The following DAB2IP variants were observed in gnomAD, a reference collection of about 807,000 sequenced individuals.
DAB2IP encodes DAB2 interacting protein, also known as disabled homolog 2-interacting protein.
In DAB2IP, 28 loss-of-function variants were observed where a neutral mutation model predicts 107.2. That is an observed-to-expected ratio of 0.26 (90% CI 0.19 to 0.36). The LOEUF (loss-of-function observed/expected upper bound fraction) is 0.36. Among genes scored for constraint, DAB2IP ranks in the 10% least tolerant of loss-of-function variants. The pLI, the probability that DAB2IP is intolerant of heterozygous loss-of-function variation, is 1.00. For synonymous variants in DAB2IP, 755 were observed against 706.4 expected (o/e 1.07, Z -1.09); for missense variants, 1,400 against 1,644.7 (o/e 0.85, Z 2.57).
chr9:121,693,654 C>T (rs947079165), intron 2 of DAB2IP, among the ~76,000 whole-genome samples: 1 of 152,190 alleles, frequency 6.6e-6, no homozygotes, highest in Non-Finnish European at 1.5e-5. Flanking sequence ...TGGGGTTCCC[C>T]AGTGGGCAGC....
chr9:121,711,888 T>C (rs1307293972), intron 3 of DAB2IP, among the ~76,000 whole-genome samples: 1 of 152,150 alleles, frequency 6.6e-6, no homozygotes, highest in African/African-American at 2.4e-5. Context: ...GTGGCGTCCA[T>C]GTACCTGGCA....
At chr9:121,783,417 ACCTGGTGCTCAC>A in exon 16 of DAB2IP, 1 of 1,600,752 alleles carries the variant, frequency 6.2e-7, no homozygotes. Context: ...AGGGAGTGCC[ACCTGGTGCTCAC>A]CCTGAAAGAA....
intron 3 of DAB2IP, among the ~76,000 whole-genome samples, chr9:121,713,900 CACA>C (rs1830461405): frequency 6.6e-6 from 1 of 152,222 alleles, no homozygotes; most frequent in African/African-American, 2.4e-5. Context: ...GCTCTGCTGA[CACA>C]TGGACCCAGA....
intron 1 of DAB2IP, among the ~76,000 whole-genome samples, chr9:121,611,548 A>C (rs1831098120): frequency 6.6e-6 from 1 of 152,162 alleles, no homozygotes; most frequent in Non-Finnish European, 1.5e-5. Flanking sequence ...AATTGCGGAT[A>C]ATAATACCTA....
rs539006436 is a variant in DAB2IP at position 121,616,653 on chromosome 9, G to A, written c.40+49425G>A. On this transcript the variant is annotated intron_variant, in intron 1 of 16. Coordinates refer to the DAB2IP transcript ENST00000259371. ...ACTGTGGAACTGGGGCGGGTTTGCT[G>A]AAGGGAAGTAAGGAGTTGAAAGGCA... Among the ~76,000 whole-genome samples the A allele has an allele frequency of 2.0e-5, 3 of 152,334 alleles. No individual in the cohort carries two copies. The East Asian group carries it at 5.8e-4, about 29-fold the overall frequency.
upstream of DAB2IP, among the ~76,000 whole-genome samples, chr9:121,648,901 C>T (rs1326363360): frequency 6.6e-6 from 1 of 152,096 alleles, no homozygotes; most frequent in Non-Finnish European, 1.5e-5. Context: ...GGAAGCAGGG[C>T]TTCTCCTGTT....
chr9:121,603,493 A>G (rs983877654), intron 1 of DAB2IP, among the ~76,000 whole-genome samples: 5 of 152,146 alleles, frequency 3.3e-5, no homozygotes, highest in Non-Finnish European at 7.4e-5. Flanking sequence ...CCAAAGCCCT[A>G]ATGTGTGTAT....
At chr9:121,639,802 C>G (rs971560098) in intron 1 of DAB2IP, among the ~76,000 whole-genome samples, 10 of 152,182 alleles carry the variant, frequency 6.6e-5, no homozygotes, top group African/African-American at 1.9e-4. Flanking sequence ...TGAGAGAGAG[C>G]AACAGGTGGG....
At chr9:121,683,494 A>T (rs1194004435) in intron 2 of DAB2IP, among the ~76,000 whole-genome samples, 1 of 152,156 alleles carries the variant, frequency 6.6e-6, no homozygotes, top group Non-Finnish European at 1.5e-5. Context: ...CCTCCTCGGG[A>T]AGTTGAAAGT....
intron 1 of DAB2IP, among the ~76,000 whole-genome samples, chr9:121,641,948 TC>T (rs1189667216): frequency 0.13 from 14,954 of 118,096 alleles, 2,343 homozygotes; most frequent in African/African-American, 0.35. Flanking sequence ...TCTCTTTCTT[TC>T]CTTTCTTTCT....
chr9:121,571,951 G>A (rs1345328297), intron 1 of DAB2IP, among the ~76,000 whole-genome samples: 1 of 150,960 alleles, frequency 6.6e-6, no homozygotes, highest in African/African-American at 2.5e-5. Flanking sequence ...CTTGTGATTG[G>A]CCTTAGTTTC....
intron 2 of DAB2IP, 116 bp downstream of exon 2, chr9:121,678,897 A>AAGGGAGGCCGGATGCTC: frequency 3.0e-6 from 3 of 987,198 alleles, no homozygotes; most frequent in Non-Finnish European, 4.2e-6. Flanking sequence ...CCCGGAGAGC[A>AAGGGAGGCCGGATGCTC]TCCGGCCTCC....
chr9:121,767,758 G>A (rs558443674), intron 9 of DAB2IP, among the ~76,000 whole-genome samples: 4 of 152,370 alleles, frequency 2.6e-5, no homozygotes, highest in African/African-American at 9.6e-5. Flanking sequence ...CGTGAAAGGA[G>A]AGCATAGCTG....
rs534671481 is a variant in DAB2IP at position 121,663,253 on chromosome 9, ACC to A, written c.124+11355_124+11356del. Among the ~76,000 whole-genome samples, 32 of 152,338 alleles carry A rather than the reference ACC, an allele frequency of 2.1e-4. No individual in the cohort carries two copies. In the South Asian group the frequency reaches 2.7e-3, roughly 13 times the overall value. Reference sequence around the variant, plus strand: ...CCTTGTAGGATTTATACTAGGCTACACCAGACTATTAACGCGGCCAACCAGAG... The same window carrying A: ...CCTTGTAGGATTTATACTAGGCTACAAGACTATTAACGCGGCCAACCAGAG... On this transcript the variant is annotated intron_variant, in intron 1 of 15. Coordinates refer to ENST00000408936, the Ensembl canonical transcript of DAB2IP.
At chr9:121,659,035 C>T (rs368988888) in intron 1 of DAB2IP, among the ~76,000 whole-genome samples, 58 of 152,246 alleles carry the variant, frequency 3.8e-4, no homozygotes, top group African/African-American at 1.2e-3. Flanking sequence ...CCTTTGGAGG[C>T]GATGTGCCGA....
At chr9:121,573,389 GTT>G in intron 1 of DAB2IP, among the ~76,000 whole-genome samples, 1 of 150,976 alleles carries the variant, frequency 6.6e-6, no homozygotes, top group Admixed American at 6.6e-5. Flanking sequence ...TTTTTGTTTT[GTT>G]TTTTGTTTTT....
At chr9:121,773,300 CCCGCCGCCACCT>C in exon 12 of DAB2IP, 1 of 1,517,542 alleles carries the variant, frequency 6.6e-7, no homozygotes, top group Middle Eastern at 2.2e-4. Context: ...CGCCCCCACC[CCCGCCGCCACCT>C]CCTGCCCCCC....
chr9:121,773,161 C>T (rs745692332), exon 12 of DAB2IP: 1 of 1,606,458 alleles, frequency 6.2e-7, no homozygotes, highest in South Asian at 1.1e-5. Context: ...TTCAGCACTG[C>T]CGCGGAGGAG....
rs529228257 is a variant in DAB2IP, at chr9:121,732,625, G to T, written c.363-24388G>T. ...ACCCACACAGCTCAAAACTAGGTGA[G>T]TGGGGAGCTTGAGGGGCAGGAACAG... is the stretch of plus-strand genomic sequence containing the variant. On this transcript the variant is annotated intron_variant, in intron 3 of 15. Transcript: ENST00000408936. Among the ~76,000 whole-genome samples, 5 of 152,300 alleles carry T rather than the reference G, an allele frequency of 3.3e-5. 1 individual carries two copies. The South Asian group carries it at 1.0e-3, about 32-fold the overall frequency.
Sources: gnomAD v4.1 joint callset for allele counts (sites outside exome capture counted in the v4.1 genomes callset) on GRCh38, gnomAD v4.1.1 for gene constraint, MANE v1.5 for transcripts, NCBI Gene and HGNC (gene_info 2026-07-23, HGNC 2026-07-21) for gene names.